The following ATG10 variants were observed in gnomAD, a reference collection of about 807,000 sequenced individuals.
The protein encoded by ATG10 is autophagy related 10.
ATG10 carries 30 observed loss-of-function variants against 32.1 expected under a neutral mutation model. The ratio of observed to expected loss-of-function variants is 0.94; its 90% CI spans 0.70 to 1.27. The LOEUF is 1.27. Among genes scored for constraint, ATG10 ranks in the 50% most tolerant of loss-of-function variants. The pLI is 0.00. For missense variants in ATG10, 233 were observed against 262.3 expected, an observed-to-expected ratio of 0.89 and a Z score of 0.77; for synonymous variants, 87 against 91.5, an observed-to-expected ratio of 0.95 and a Z score of 0.28.
chr5:82,066,325 C>T (rs752872035), intron 3 of ATG10, among the ~76,000 whole-genome samples: 2 of 151,994 alleles, frequency 1.3e-5, no homozygotes, highest in East Asian at 1.9e-4. Flanking sequence ...GCTTGAAGTT[C>T]GATTACTGTA....
chr5:82,006,497 GCTTT>G (rs572928559), intron 2 of ATG10, among the ~76,000 whole-genome samples: 5 of 151,976 alleles, frequency 3.3e-5, no homozygotes, highest in African/African-American at 4.8e-5. Flanking sequence ...AATTAACTTA[GCTTT>G]CTTTATTTTC....
At chr5:82,080,376 A>G (rs1764434089) in intron 3 of ATG10, among the ~76,000 whole-genome samples, 1 of 151,992 alleles carries the variant, frequency 6.6e-6, no homozygotes, top group African/African-American at 2.4e-5. Context: ...ATTAGATCCC[A>G]TTTGTCTATT....
At chr5:82,060,159 C>T (rs1266558230) in intron 3 of ATG10, among the ~76,000 whole-genome samples, 2 of 152,194 alleles carry the variant, frequency 1.3e-5, no homozygotes, top group South Asian at 2.1e-4. Flanking sequence ...AATTTAGCCT[C>T]ATAAAATATA....
chr5:82,185,854 C>T (rs1240636279), intron 5 of ATG10, among the ~76,000 whole-genome samples: 2 of 152,186 alleles, frequency 1.3e-5, no homozygotes, highest in African/African-American at 2.4e-5. Context: ...TGGCTTTCTT[C>T]TGAACTCAGT....
intron 2 of ATG10, among the ~76,000 whole-genome samples, chr5:82,028,860 A>G (rs1255633731): frequency 3.9e-5 from 6 of 152,218 alleles, no homozygotes; most frequent in South Asian, 2.1e-4. Flanking sequence ...TAATATATTC[A>G]TATGTATTGA....
At chr5:82,124,730 G>A (rs1029682597) in intron 3 of ATG10, among the ~76,000 whole-genome samples, 1 of 152,064 alleles carries the variant, frequency 6.6e-6, no homozygotes, top group African/African-American at 2.4e-5. Flanking sequence ...TTGCTATTGT[G>A]AACAGTGCTG....
chr5:82,124,202 A>C (rs932844899), intron 3 of ATG10, among the ~76,000 whole-genome samples: 2 of 150,502 alleles, frequency 1.3e-5, no homozygotes, highest in African/African-American at 4.9e-5. Flanking sequence ...ATGGGGCTTC[A>C]CCACGTTAGC....
At chr5:82,010,009 C>A in intron 2 of ATG10, 9 of 1,609,878 alleles carry the variant, frequency 5.6e-6, no homozygotes, top group Non-Finnish European at 6.8e-6. Context: ...GTCTTTGGGA[C>A]CTTGTCAGCT....
chr5:82,208,344 G>A lies in ATG10; in HGVS notation c.453+29757G>A, dbSNP rs115441423. On this transcript the variant is annotated intron_variant, in intron 5 of 7. Coordinates refer to ENST00000282185, the MANE Select transcript of ATG10 (RefSeq NM_031482.5). ...TTGTGAAATTTCACAAAATAATACC[G>A]GGACTTTGGTATTATAATAAGTTGG... 4.8e-3 allele frequency among the ~76,000 whole-genome samples: 731 copies of A among 151,806 alleles called. 5 individuals carry two copies. Among genetic ancestry groups the A allele is most frequent in the African/African-American group, 0.014 (572 of 41,386 alleles).
intron 3 of ATG10, among the ~76,000 whole-genome samples, chr5:82,093,313 AT>A (rs1764952626): frequency 6.6e-6 from 1 of 152,046 alleles, no homozygotes; most frequent in Non-Finnish European, 1.5e-5. Flanking sequence ...TTTCTCTAAC[AT>A]TTCATTTTGG....
intron 3 of ATG10, among the ~76,000 whole-genome samples, chr5:82,104,131 G>C (rs1036860022): frequency 1.5e-4 from 23 of 152,050 alleles, no homozygotes; most frequent in African/African-American, 5.3e-4. Flanking sequence ...TGGCTATTAT[G>C]AAAAGTACTG....
intron 2 of ATG10, among the ~76,000 whole-genome samples, chr5:82,015,180 T>G (rs1046000309): frequency 6.6e-6 from 1 of 152,174 alleles, no homozygotes. Flanking sequence ...CTTGTAGAGT[T>G]TCTGCTGAGA....
At chr5:82,158,262 C>T (rs747103462) in intron 3 of ATG10, among the ~76,000 whole-genome samples, 20 of 152,248 alleles carry the variant, frequency 1.3e-4, no homozygotes, top group Middle Eastern at 6.8e-3. Flanking sequence ...ATACACATAT[C>T]TTCATGAAAT....
At chr5:82,010,089 A>T (rs1217521468) in intron 2 of ATG10, 2 of 1,606,292 alleles carry the variant, frequency 1.2e-6, no homozygotes, top group African/African-American at 1.3e-5. Context: ...GGTGGGGTTG[A>T]CCATGGCTAA....
chr5:82,104,333 A>T (rs1478096837), intron 3 of ATG10, among the ~76,000 whole-genome samples: 1 of 152,090 alleles, frequency 6.6e-6, no homozygotes, highest in Non-Finnish European at 1.5e-5. Flanking sequence ...AGAGTTTGTT[A>T]TCTTTCCATA....
intron 1 of ATG10, among the ~76,000 whole-genome samples, chr5:81,985,953 C>G (rs1163329912): frequency 6.6e-6 from 1 of 152,030 alleles, no homozygotes; most frequent in Non-Finnish European, 1.5e-5. Context: ...TTAGTAGCGA[C>G]GGGGTTTCAC....
In ATG10 at chr5:82,038,813, C is replaced by G. The variant is rs962069399; in HGVS notation, c.109-19682C>G. Among the ~76,000 whole-genome samples, 7 of 152,094 alleles carry G rather than the reference C, an allele frequency of 4.6e-5. No individual in the cohort carries two copies. In the East Asian group the frequency reaches 1.3e-3, roughly 29 times the overall value. On this transcript the variant is annotated intron_variant, in intron 2 of 7. Transcript: ENST00000282185. ...TGACTGGATTTTTAGCTTTTTATTTCAATTATGATGTACTCTCTTCCTATA... is the reference window on the plus strand; with the variant it reads ...TGACTGGATTTTTAGCTTTTTATTTGAATTATGATGTACTCTCTTCCTATA...
At chr5:81,984,098 C>G (rs1261671394) in intron 1 of ATG10, among the ~76,000 whole-genome samples, 1 of 152,220 alleles carries the variant, frequency 6.6e-6, no homozygotes, top group African/African-American at 2.4e-5. Context: ...GAGGCTGCAG[C>G]GAGCCGAGAT....
At chr5:82,117,369 G>T (rs1305348157) in intron 3 of ATG10, among the ~76,000 whole-genome samples, 1 of 152,068 alleles carries the variant, frequency 6.6e-6, no homozygotes, top group African/African-American at 2.4e-5. Context: ...TAGCAACTGT[G>T]AGAACCAGAT....
Sources: allele counts gnomAD v4.1 joint callset (sites outside exome capture counted in the v4.1 genomes callset), GRCh38; gene constraint gnomAD v4.1.1; transcripts MANE v1.5; gene names NCBI Gene and HGNC (gene_info 2026-07-23, HGNC 2026-07-21).